Variants in PCDHGB1 observed in about 807,000 individuals in gnomAD.
PCDHGB1 encodes protocadherin gamma subfamily B, 1.
PCDHGB1 carries 34 observed loss-of-function variants against 56.6 expected under a neutral mutation model. The observed-to-expected ratio is 0.60, with a 90% CI of 0.46 to 0.80. The LOEUF is 0.80. PCDHGB1 is among the 30% of genes least tolerant of loss of function. The pLI, the probability that PCDHGB1 is intolerant of heterozygous loss-of-function variation, is 0.00. For missense variants in PCDHGB1, 1,278 were observed against 1,204.6 expected, an observed-to-expected ratio of 1.06 and a Z score of -0.90; for synonymous variants, 561 against 505.9, an observed-to-expected ratio of 1.11 and a Z score of -1.46.
intron 1 of PCDHGB1, chr5:141,383,948 C>T (rs199642192): frequency 3.1e-6 from 5 of 1,613,482 alleles, no homozygotes; most frequent in East Asian, 4.5e-5. Context: ...GTGACTATGA[C>T]GTCTTTAAGT....
rs151037104 is a variant in PCDHGB1, at chr5:141,393,242, C to G, written c.2409+40573C>G. 3 of 1,613,778 alleles carry G rather than the reference C, an allele frequency of 1.9e-6. 1 individual carries two copies. The East Asian group carries it at 6.7e-5, about 36-fold the overall frequency. ...TCGAAGATCTAGAAGTAAAAATTAA[C>G]GAAATCGCGGTTCCTGGAGCACGTT... On this transcript the variant is annotated intron_variant, in intron 1 of 3. Coordinates refer to ENST00000523390, the MANE Select transcript of PCDHGB1 (RefSeq NM_018922.3).
At chr5:141,366,937 T>G in intron 1 of PCDHGB1, 1 of 860,432 alleles carries the variant, frequency 1.2e-6, no homozygotes, top group Non-Finnish European at 1.7e-6. Context: ...TTGGGAAGTC[T>G]AGCTGATATC....
intron 1 of PCDHGB1, chr5:141,423,728 T>C (rs1312071121): frequency 9.4e-6 from 10 of 1,067,510 alleles, no homozygotes; most frequent in Non-Finnish European, 1.1e-5. Context: ...AGATGTTTTT[T>C]GAGCCTGTTA....
At chr5:141,364,394 A>G in intron 1 of PCDHGB1, 2 of 1,603,510 alleles carry the variant, frequency 1.2e-6, no homozygotes, top group South Asian at 1.1e-5. Context: ...GCTCCTGGGG[A>G]CGCTGTGCGA....
At chr5:141,471,965 G>A (rs919560714) in intron 1 of PCDHGB1, among the ~76,000 whole-genome samples, 4 of 152,160 alleles carry the variant, frequency 2.6e-5, no homozygotes, top group Non-Finnish European at 4.4e-5. Context: ...GGGGTTGGTT[G>A]CATTACTGTA....
chr5:141,377,109 G>A (rs1437857373), intron 1 of PCDHGB1: 2 of 152,368 alleles, frequency 1.3e-5, no homozygotes, highest in Admixed American at 1.3e-4. Flanking sequence ...TCAAAAGAAT[G>A]TTCTGAAGTC....
chr5:141,366,715 T>C (rs1183918402), intron 1 of PCDHGB1: 3 of 1,614,072 alleles, frequency 1.9e-6, no homozygotes, highest in Non-Finnish European at 2.5e-6. Flanking sequence ...TGATGTCTGA[T>C]AAGGTAGATG....
chr5:141,478,358 C>G, intron 1 of PCDHGB1: 1 of 1,613,738 alleles, frequency 6.2e-7, no homozygotes, highest in South Asian at 1.1e-5. Flanking sequence ...GGACGCCGTG[C>G]GGGGAGGCCT....
chr5:141,409,749 C>T (rs1477022032), intron 1 of PCDHGB1: 4 of 1,613,030 alleles, frequency 2.5e-6, no homozygotes, highest in Admixed American at 1.7e-5. Context: ...GTGGTGTTCG[C>T]GCAGCGCGCC....
intron 1 of PCDHGB1, among the ~76,000 whole-genome samples, chr5:141,457,215 T>C (rs1356941645): frequency 1.3e-5 from 2 of 152,186 alleles, no homozygotes; most frequent in South Asian, 2.1e-4. Flanking sequence ...AAATGTGGTG[T>C]GGTAGGTAAT....
chr5:141,389,996 C>T, intron 1 of PCDHGB1: 1 of 1,614,022 alleles, frequency 6.2e-7, no homozygotes, highest in Non-Finnish European at 8.5e-7. Context: ...TCCTCGTGGC[C>T]ATGATTCTGG....
Position 141,491,287 on chromosome 5 carries a change from C to T in PCDHGB1, c.2410-3520C>T, listed in dbSNP as rs1562145447. 2 of 1,614,030 alleles carry T rather than the reference C, an allele frequency of 1.2e-6. No homozygotes were observed. Among genetic ancestry groups the T allele is most frequent in the Admixed American group, 1.7e-5 (1 of 60,032 alleles). On this transcript the variant is annotated intron_variant, in intron 1 of 3. Coordinates refer to ENST00000523390, the MANE Select transcript of PCDHGB1 (RefSeq NM_018922.3). The surrounding 1 kb of genome is among the most constrained non-coding windows in gnomAD (Gnocchi z 6.9). ...GCCCAAATCCAGTGACTTCCTCATA[C>T]ACCCTCCTGAGCGTTCAGACCTTAC... is the stretch of plus-strand genomic sequence containing the variant.
intron 1 of PCDHGB1, among the ~76,000 whole-genome samples, chr5:141,464,240 G>A (rs1396190870): frequency 1.3e-5 from 2 of 150,444 alleles, no homozygotes; most frequent in Non-Finnish European, 2.9e-5. Context: ...ACTCCAGCCT[G>A]GGCTACAGAG....
intron 1 of PCDHGB1, chr5:141,428,461 G>A: frequency 2.8e-6 from 1 of 352,014 alleles, no homozygotes; most frequent in South Asian, 2.8e-5. Flanking sequence ...CAACTACAAT[G>A]AGGGAACTTT....
chr5:141,401,836 A>G (rs1400731084), intron 1 of PCDHGB1, among the ~76,000 whole-genome samples: 3 of 152,204 alleles, frequency 2.0e-5, no homozygotes, highest in Admixed American at 1.3e-4. Flanking sequence ...GATTTCTTAT[A>G]ATACCACTTA....
At chr5:141,383,962 T>C in intron 1 of PCDHGB1, 2 of 1,613,460 alleles carry the variant, frequency 1.2e-6, no homozygotes, top group Non-Finnish European at 1.7e-6. Flanking sequence ...TTTAAGTAGC[T>C]CAATCCCTGA....
chr5:141,462,268 A>C (rs982301403), intron 1 of PCDHGB1, among the ~76,000 whole-genome samples: 3 of 152,196 alleles, frequency 2.0e-5, no homozygotes, highest in African/African-American at 7.2e-5. Flanking sequence ...CCTAAAGTGT[A>C]TTGTTTAGTC....
intron 1 of PCDHGB1, among the ~76,000 whole-genome samples, chr5:141,481,008 A>G (rs2099529606): frequency 6.6e-6 from 1 of 152,224 alleles, no homozygotes; most frequent in Non-Finnish European, 1.5e-5. Context: ...CAGTGAGCCC[A>G]GATCACACCA....
intron 1 of PCDHGB1, among the ~76,000 whole-genome samples, chr5:141,439,537 C>T (rs1404605731): frequency 6.6e-6 from 1 of 152,206 alleles, no homozygotes; most frequent in African/African-American, 2.4e-5. Flanking sequence ...GAACGCTGTC[C>T]TCTCATTTCT....
Sources: allele counts gnomAD v4.1 joint callset (sites outside exome capture counted in the v4.1 genomes callset), GRCh38; gene constraint gnomAD v4.1.1; non-coding constraint Gnocchi (gnomAD v3.1); transcripts MANE v1.5; gene names NCBI Gene and HGNC (gene_info 2026-07-23, HGNC 2026-07-21).